PCDH15: variants seen among roughly 807,000 people sequenced by gnomAD.
PCDH15 encodes the protein protocadherin-15.
In PCDH15, 129 loss-of-function variants were observed where a neutral mutation model predicts 178.5. The ratio of observed to expected loss-of-function variants is 0.72; its 90% CI spans 0.63 to 0.84. The LOEUF (loss-of-function observed/expected upper bound fraction) is 0.84. PCDH15 is among the 40% of genes least tolerant of loss of function. The pLI, the probability that PCDH15 is intolerant of heterozygous loss-of-function variation, is 0.00. For synonymous variants in PCDH15, 800 were observed against 732.0 expected (o/e 1.09, Z -1.50); for missense variants, 2,230 against 2,099.9 (o/e 1.06, Z -1.21).
chr10:53,842,449 GTT>G (rs2077717114), intron 28 of PCDH15, among the ~76,000 whole-genome samples: 1 of 152,080 alleles, frequency 6.6e-6, no homozygotes, highest in Admixed American at 6.6e-5. Context: ...GTTTCACCAT[GTT>G]GGTCAGGCTG....
At chr10:54,844,011 G>A (rs1279543403) in intron 3 of PCDH15, among the ~76,000 whole-genome samples, 2 of 152,004 alleles carry the variant, frequency 1.3e-5, no homozygotes, top group East Asian at 3.9e-4. Context: ...CACAGAGCAT[G>A]GCTGAAATAA....
chr10:55,558,828 C>T (rs1345947231), intron 2 of PCDH15, among the ~76,000 whole-genome samples: 1 of 151,934 alleles, frequency 6.6e-6, no homozygotes, highest in East Asian at 1.9e-4. Context: ...TAGAGGTAGT[C>T]TTTTAGTATT....
At chr10:55,202,267 C>A (rs564282061) in intron 1 of PCDH15, among the ~76,000 whole-genome samples, 1 of 152,102 alleles carries the variant, frequency 6.6e-6, no homozygotes, top group African/African-American at 2.4e-5. Flanking sequence ...CAAAAAGCAG[C>A]CACGGGGAAA....
At chr10:53,951,063 A>T (rs117930154) in intron 23 of PCDH15, among the ~76,000 whole-genome samples, 111 of 152,346 alleles carry the variant, frequency 7.3e-4, no homozygotes, top group Non-Finnish European at 1.4e-3. Flanking sequence ...TATTAGGCCA[A>T]CTAAATGATC....
chr10:55,459,740 A>G (rs1340732211), intron 2 of PCDH15, among the ~76,000 whole-genome samples: 3 of 152,128 alleles, frequency 2.0e-5, no homozygotes, highest in Non-Finnish European at 4.4e-5. Flanking sequence ...AAAACACTTA[A>G]GGTTTAGTCT....
chr10:55,087,402 A>T (rs1842199071), intron 2 of PCDH15, among the ~76,000 whole-genome samples: 1 of 152,220 alleles, frequency 6.6e-6, no homozygotes, highest in African/African-American at 2.4e-5. Flanking sequence ...ATAACTATGA[A>T]ATGTGAAATG....
intron 3 of PCDH15, among the ~76,000 whole-genome samples, chr10:54,470,290 C>CG (rs1389548082): frequency 6.6e-6 from 1 of 152,120 alleles, no homozygotes; most frequent in Non-Finnish European, 1.5e-5. Flanking sequence ...AGCCTTTCTT[C>CG]GGGGTGCTTT....
At chr10:54,854,638 G>C (rs931947334) in intron 3 of PCDH15, among the ~76,000 whole-genome samples, 3 of 152,118 alleles carry the variant, frequency 2.0e-5, no homozygotes, top group Non-Finnish European at 2.9e-5. Context: ...GCTGCTCTCT[G>C]CAGAGAGGAG....
At chr10:54,465,829 C>A (rs2077480544) in intron 3 of PCDH15, among the ~76,000 whole-genome samples, 1 of 151,958 alleles carries the variant, frequency 6.6e-6, no homozygotes, top group Non-Finnish European at 1.5e-5. Flanking sequence ...CTGTTTTCCA[C>A]ACTGACTGCA....
At chr10:54,110,834 T>C (rs1412974415) in intron 15 of PCDH15, among the ~76,000 whole-genome samples, 1 of 152,228 alleles carries the variant, frequency 6.6e-6, no homozygotes, top group Non-Finnish European at 1.5e-5. Context: ...AATGAATCTA[T>C]GGTTTTTAAA....
chr10:55,196,556 G>A (rs1012590312), intron 1 of PCDH15, among the ~76,000 whole-genome samples: 3 of 151,768 alleles, frequency 2.0e-5, no homozygotes, highest in African/African-American at 7.3e-5. Flanking sequence ...ACAATATAAG[G>A]ACATACAACA....
chr10:53,998,089 A>G (rs2091940517), intron 20 of PCDH15, among the ~76,000 whole-genome samples: 1 of 152,202 alleles, frequency 6.6e-6, no homozygotes, highest in Non-Finnish European at 1.5e-5. Flanking sequence ...TCTCTTGTGC[A>G]GTAAATTAAG....
chr10:54,098,383 T>G (rs1007289348), intron 15 of PCDH15, among the ~76,000 whole-genome samples: 1 of 152,124 alleles, frequency 6.6e-6, no homozygotes, highest in Non-Finnish European at 1.5e-5. Context: ...TCATGAATAT[T>G]GGACATGAAT....
At chr10:54,027,477 C>T (rs951791917) in intron 18 of PCDH15, among the ~76,000 whole-genome samples, 8 of 151,706 alleles carry the variant, frequency 5.3e-5, no homozygotes, top group Admixed American at 2.6e-4. Context: ...GAGCCTTCAT[C>T]GCCAAGTCAA....
chr10:55,035,344 C>A (rs1840709663), intron 2 of PCDH15, among the ~76,000 whole-genome samples: 1 of 152,114 alleles, frequency 6.6e-6, no homozygotes, highest in African/African-American at 2.4e-5. Context: ...ACTTCCTGGG[C>A]ATAGCCTATC....
chr10:55,489,967 T>C (rs982948827), intron 2 of PCDH15, among the ~76,000 whole-genome samples: 19 of 151,708 alleles, frequency 1.3e-4, no homozygotes, highest in Admixed American at 2.0e-4. Context: ...CAAAAATTGT[T>C]TTTCTACCTA....
chr10:53,860,058 A>AT (rs1318355065), intron 27 of PCDH15, among the ~76,000 whole-genome samples: 2 of 152,106 alleles, frequency 1.3e-5, no homozygotes, highest in Non-Finnish European at 2.9e-5. Context: ...GATATTCTGT[A>AT]TTTTTCCATC....
At chr10:54,790,284 C>T (rs1951276216) in intron 1 of PCDH15, among the ~76,000 whole-genome samples, 1 of 151,698 alleles carries the variant, frequency 6.6e-6, no homozygotes, top group Non-Finnish European at 1.5e-5. Context: ...CCACTAGTGA[C>T]AGTGACAACT....
intron 2 of PCDH15, among the ~76,000 whole-genome samples, chr10:54,997,008 C>T (rs545506668): frequency 6.6e-5 from 10 of 151,612 alleles, no homozygotes; most frequent in Admixed American, 3.9e-4. Context: ...ACTCAGGAGG[C>T]CGAGACAGAA....
Sources: gnomAD v4.1 joint callset for allele counts (sites outside exome capture counted in the v4.1 genomes callset) on GRCh38, gnomAD v4.1.1 for gene constraint, MANE v1.5 for transcripts, NCBI Gene and HGNC (gene_info 2026-07-23, HGNC 2026-07-21) for gene names.